The following ATP2B4 variants were observed in gnomAD, a reference collection of about 807,000 sequenced individuals.
ATP2B4 encodes the protein plasma membrane calcium-transporting ATPase 4.
A neutral mutation model predicts 110.3 loss-of-function variants in ATP2B4; 39 were observed. The observed-to-expected ratio is 0.35, with a 90% CI of 0.27 to 0.46. The LOEUF is 0.46. ATP2B4 is among the 20% of genes least tolerant of loss of function. The pLI, the probability that ATP2B4 is intolerant of heterozygous loss-of-function variation, is 1.00. For synonymous variants in ATP2B4, 538 were observed against 571.7 expected (o/e 0.94, Z 0.84); for missense variants, 1,135 against 1,530.9 (o/e 0.74, Z 4.32).
chr1:203,677,753 C>T (rs529879493), intron 1 of ATP2B4, among the ~76,000 whole-genome samples: 2 of 152,276 alleles, frequency 1.3e-5, no homozygotes, highest in African/African-American at 4.8e-5. Flanking sequence ...CATGAGCCAC[C>T]GCACCCGGCC....
At chr1:203,720,037 A>G (rs1448307057) in intron 15 of ATP2B4, among the ~76,000 whole-genome samples, 1 of 151,840 alleles carries the variant, frequency 6.6e-6, no homozygotes, top group African/African-American at 2.4e-5. Context: ...CTGCCACTGC[A>G]CTCCAGCCTG....
intron 1 of ATP2B4, among the ~76,000 whole-genome samples, chr1:203,665,725 G>A (rs1208753982): frequency 3.3e-5 from 5 of 151,530 alleles, no homozygotes; most frequent in Admixed American, 6.6e-5. Context: ...ACTTGAACCC[G>A]GGAGGCGGAG....
intron 1 of ATP2B4, among the ~76,000 whole-genome samples, chr1:203,633,705 C>A (rs76931267): frequency 0.13 from 9,637 of 73,604 alleles, 366 homozygotes; most frequent in African/African-American, 0.17. Flanking sequence ...GAGCGAGACT[C>A]CATATCAGAT....
chr1:203,633,534 C>T (rs1663340729), intron 1 of ATP2B4, among the ~76,000 whole-genome samples: 1 of 152,104 alleles, frequency 6.6e-6, no homozygotes, highest in African/African-American at 2.4e-5. Flanking sequence ...GAAGCCCAGG[C>T]AGGTGGATTA....
Position 203,707,036 on chromosome 1 carries a change from T to C in ATP2B4, c.1127T>C (p.Phe376Ser). The change falls in exon 9 of 21, where the codon TTC (phenylalanine) becomes TCC (serine). Residue 376 changes from phenylalanine (F) to serine (S), a missense_variant. Physicochemically the swap from Phe to Ser is radical, Grantham distance 155. Coordinates refer to ENST00000357681, the MANE Select transcript of ATP2B4 (RefSeq NM_001684.5). ...CTGCTCATGTCTGCTCTCACGGTTT[T>C]CATCCTGATTCTATACTTTGTGATT... ...AGLLMSALTV[F>S]ILILYFVIDN... is the part of the protein sequence containing the mutation. 6.2e-7 allele frequency: 1 copy of C among 1,614,040 alleles called. No individual in the cohort carries two copies. The highest frequency in any genetic ancestry group is 1.3e-5 in the African/African-American group (1 of 75,072).
chr1:203,733,177 GGACT>G, intron 20 of ATP2B4: 4 of 1,558,160 alleles, frequency 2.6e-6, no homozygotes, highest in Non-Finnish European at 3.5e-6. Context: ...CACCTCTCTC[GGACT>G]GACTGTGGAG....
At chr1:203,720,980 T>C (rs1322619909) in intron 16 of ATP2B4, among the ~76,000 whole-genome samples, 2 of 152,220 alleles carry the variant, frequency 1.3e-5, no homozygotes, top group African/African-American at 2.4e-5. Flanking sequence ...ACTATCTGTA[T>C]TCTTCAAAAA....
chr1:203,643,500 A>G (rs1663694475), intron 1 of ATP2B4, among the ~76,000 whole-genome samples: 1 of 152,226 alleles, frequency 6.6e-6, no homozygotes, highest in Admixed American at 6.5e-5. Flanking sequence ...TTCCCAGCAC[A>G]CACCCACGCA....
intron 1 of ATP2B4, chr1:203,657,373 G>A: frequency 1.3e-6 from 1 of 745,828 alleles, no homozygotes; most frequent in East Asian, 2.4e-5. Flanking sequence ...CCCTGGGCAT[G>A]TACTTTAGTC....
chr1:203,733,304 G>T (rs753918654), intron 20 of ATP2B4: 2 of 1,614,106 alleles, frequency 1.2e-6, no homozygotes, highest in Admixed American at 3.3e-5. Context: ...ACACCTTGAT[G>T]TAAAACTTGT....
In ATP2B4 at chr1:203,733,207, C is replaced by G. The variant is rs377002327; in HGVS notation, c.3309+5636C>G. The stretch of plus-strand genomic sequence containing the variant: ...GACTGTGGAGCAAAGCTGTCTCACT[C>G]TCTGATTCTTTGCAGATCGACGTAA... On this transcript the variant is annotated intron_variant, in intron 20 of 20. Transcript: ENST00000357681. The G allele has an allele frequency of 5.0e-6, 8 of 1,607,066 alleles. No individual in the cohort carries two copies. In the African/African-American group the frequency reaches 1.1e-4, roughly 21 times the overall value.
intron 1 of ATP2B4, among the ~76,000 whole-genome samples, chr1:203,645,835 T>A (rs10900540): frequency 6.6e-6 from 1 of 151,986 alleles, no homozygotes; most frequent in Non-Finnish European, 1.5e-5. Flanking sequence ...GTGATCCATC[T>A]GCCTCAGCCT....
chr1:203,688,595 C>T (rs555196889), intron 2 of ATP2B4, among the ~76,000 whole-genome samples: 4 of 152,264 alleles, frequency 2.6e-5, no homozygotes, highest in South Asian at 2.1e-4. Context: ...AGCCCTCATG[C>T]GCAGCCTCAG....
chr1:203,635,938 C>G (rs551745076), intron 1 of ATP2B4, among the ~76,000 whole-genome samples: 2 of 152,182 alleles, frequency 1.3e-5, no homozygotes, highest in African/African-American at 4.8e-5. Context: ...CACTGCTCCC[C>G]ACCCACAGCC....
Position 203,740,083 on chromosome 1 carries a change from G to T in ATP2B4, c.*229G>T. The T allele has an allele frequency of 1.9e-6, 1 of 537,394 alleles. No homozygotes were observed. The highest frequency in any genetic ancestry group is 2.6e-5 in the South Asian group (1 of 38,666). 33.3% of individuals were successfully genotyped at this position (537,394 alleles called of 1,614,324 possible). A position where few individuals can be genotyped will look rare whatever the true frequency, so the allele number is the denominator to read the frequency against. On this transcript the variant is annotated 3_prime_UTR_variant, in exon 21 of 21. Transcript: ENST00000357681. ...GCGGGACCCAGTCAAACCCCATTCA[G>T]GTCATGGTAGAATCTACTCCTTGGT... is the stretch of plus-strand genomic sequence containing the variant.
At position 203,707,104 on chromosome 1, in the gene ATP2B4, A is replaced by T. The variant is rs1665871036; in HGVS notation, c.1195A>T (p.Thr399Ser). 6.2e-7 allele frequency: 1 copy of T among 1,613,812 alleles called. No individual in the cohort carries two copies. Among genetic ancestry groups the T allele is most frequent in the African/African-American group, 1.3e-5 (1 of 74,852 alleles). Residue 399 changes from threonine (T) to serine (S), a missense_variant, in exon 9 of 21, where the codon ACT becomes TCT. Around this residue, in one of 9 missense-constraint regions of ATP2B4, gnomAD observed 162 missense variants for 210.5 expected, o/e 0.77. Transcript: ENST00000357681. ...TCGCAGACCATGGCTCCCTGAGTGT[A>T]CTCCCATCTACATCCAGTACTTTGT... Reference protein sequence around the residue: ...INRRPWLPECTPIYIQYFVKF... With the variant: ...INRRPWLPECSPIYIQYFVKF...
intron 15 of ATP2B4, among the ~76,000 whole-genome samples, chr1:203,715,788 G>C (rs1483765432): frequency 6.9e-6 from 1 of 144,544 alleles, no homozygotes; most frequent in Non-Finnish European, 1.5e-5. Context: ...TCAGGATTCA[G>C]ATAAGATCCA....
At chr1:203,647,288 T>C (rs1238040056) in intron 1 of ATP2B4, among the ~76,000 whole-genome samples, 4 of 151,768 alleles carry the variant, frequency 2.6e-5, no homozygotes, top group African/African-American at 9.7e-5. Flanking sequence ...ATAAAAAAAT[T>C]AGCCAGGTGT....
rs1667007526 is a variant in ATP2B4 at position 203,742,081 on chromosome 1, T to C, written c.*2227T>C. On this transcript the variant is annotated 3_prime_UTR_variant, in exon 21 of 21. Transcript: ENST00000357681. Reference sequence around the variant, plus strand: ...CTAGTTTCCATAATAGGAGAGAAAATATAGAAATATATGCAAAAATTATAG... The same window carrying C: ...CTAGTTTCCATAATAGGAGAGAAAACATAGAAATATATGCAAAAATTATAG... 1 of 152,560 alleles carries C rather than the reference T, an allele frequency of 6.6e-6. No homozygotes were observed. The highest frequency in any genetic ancestry group is 1.5e-5 in the Non-Finnish European group (1 of 68,024). 9.5% of individuals were successfully genotyped at this position (152,560 alleles called of 1,614,324 possible).
Sources: gnomAD v4.1 joint callset for allele counts (sites outside exome capture counted in the v4.1 genomes callset) on GRCh38, gnomAD v4.1.1 for gene constraint, gnomAD v4.1.1 regional missense constraint, MANE v1.5 for transcripts, NCBI Gene and HGNC (gene_info 2026-07-23, HGNC 2026-07-21) for gene names.